The following MYH14 variants were observed in gnomAD, a reference collection of about 807,000 sequenced individuals.
MYH14 encodes myosin heavy chain 14.
Under a neutral mutation model 255.5 loss-of-function variants are expected in MYH14, and 123 were observed. The ratio of observed to expected loss-of-function variants is 0.48; its 90% CI spans 0.42 to 0.56. The LOEUF is 0.56. Among genes scored for constraint, MYH14 ranks in the 20% least tolerant of loss-of-function variants. The probability of loss-of-function intolerance (pLI) is 0.00; values close to 1 mark genes in which losing one functional copy is unlikely to be tolerated. For missense variants in MYH14, 2,423 were observed against 2,802.3 expected (o/e 0.86, Z 3.06); for synonymous variants, 1,095 against 1,161.2 (o/e 0.94, Z 1.16).
Position 50,252,684 on chromosome 19 carries a change from C to A in MYH14, c.1876C>A (p.Leu626Met). ...NEWLMKNMDPLNDNVAALLHQ... is the reference protein window; with the variant it reads ...NEWLMKNMDPMNDNVAALLHQ... ...GTGGCTGATGAAAAACATGGACCCTCTGAATGACAACGTCGCAGCCTTGCT... is the reference window on the plus strand; with the variant it reads ...GTGGCTGATGAAAAACATGGACCCTATGAATGACAACGTCGCAGCCTTGCT... The change falls in exon 16 of 43, where the codon CTG (leucine) becomes ATG (methionine). Residue 626 changes from leucine to methionine, a missense_variant. Physicochemically the swap from Leu to Met is conservative, Grantham distance 15. This residue lies in a region of MYH14 where 672 missense variants were observed against 881.8 expected (regional missense o/e 0.76). Transcript: ENST00000642316. The surrounding 1 kb of genome is among the most constrained non-coding windows in gnomAD (Gnocchi z 4.2). 1 of 1,602,146 alleles carries A rather than the reference C, an allele frequency of 6.2e-7. No individual in the cohort carries two copies. Among genetic ancestry groups the A allele is most frequent in the East Asian group, 2.3e-5 (1 of 44,304 alleles).
Position 50,271,524 on chromosome 19 carries a change from A to G in MYH14, c.3149A>G (p.Asp1050Gly), listed in dbSNP as rs550238145. The change falls in exon 25 of 43, where the codon GAC becomes GGC. Residue 1050 changes from aspartate (D) to glycine (G), a missense_variant. Transcript: ENST00000642316. ...KFEEDLLLLE[D>G]QNSKLSKERK... ...GAAGAGGACCTGCTGCTCCTGGAAG[A>G]CCAGAATTCCAAGCTGAGCAAGGTT... 8.0e-5 allele frequency: 129 copies of G among 1,606,446 alleles called. No homozygotes were observed. In the South Asian group the frequency reaches 1.3e-3, roughly 17 times the overall value.
Position 50,276,746 on chromosome 19 carries a change from C to A in MYH14, c.3681-11C>A, listed in dbSNP as rs1438019649. 1.2e-6 allele frequency: 2 copies of A among 1,613,318 alleles called. No individual in the cohort carries two copies. Among genetic ancestry groups the A allele is most frequent in the Non-Finnish European group, 1.7e-6 (2 of 1,179,868 alleles). On this transcript the variant is annotated splice_polypyrimidine_tract_variant and intron_variant, in intron 28 of 42. Coordinates refer to ENST00000642316, the MANE Select transcript of MYH14 (RefSeq NM_001145809.2). The surrounding 1 kb of genome is among the most constrained non-coding windows in gnomAD (Gnocchi z 4.3). ...TGAAATTCCCATCCTCTCTCCTTTC[C>A]CCCAATAAAGGTCCAAGAGGGAACA...
At chr19:50,292,972 G>A (rs1601042968) in intron 37 of MYH14, among the ~76,000 whole-genome samples, 1 of 152,000 alleles carries the variant, frequency 6.6e-6, no homozygotes, top group Non-Finnish European at 1.5e-5. Flanking sequence ...GGAGAGGCAG[G>A]TTTGAGAGGA....
intron 1 of MYH14, among the ~76,000 whole-genome samples, chr19:50,207,393 G>A (rs566701226): frequency 4.6e-5 from 7 of 151,858 alleles, no homozygotes; most frequent in East Asian, 3.9e-4. Context: ...TGCTTGGACC[G>A]CGTTGGAATT....
At chr19:50,306,151 G>T (rs1161513573) in intron 40 of MYH14, among the ~76,000 whole-genome samples, 1 of 152,190 alleles carries the variant, frequency 6.6e-6, no homozygotes, top group Non-Finnish European at 1.5e-5. Context: ...GGTGGCACAT[G>T]CCTGTAATCC....
In MYH14 at chr19:50,276,886, G is replaced by A. The variant is rs752858748; in HGVS notation, c.3810G>A (p.Leu1270=). Residue 1270 remains leucine, a synonymous_variant, in exon 29 of 43, where the codon CTG becomes CTA. Transcript: ENST00000642316. This position sits in a 1 kb window ranked among gnomAD's most constrained non-coding sequence, Gnocchi z 4.3. ...GQALGELAEQ[L]EQARRGKGAW... ...CCCTGGGGGAGCTGGCGGAGCAGCT[G>A]GAGCAGGCCCGGAGGGTGGGTTGGG... 1.2e-5 allele frequency: 19 copies of A among 1,610,854 alleles called. No individual in the cohort carries two copies. In the South Asian group the frequency reaches 1.4e-4, roughly 12 times the overall value.
intron 10 of MYH14, among the ~76,000 whole-genome samples, chr19:50,233,007 T>C (rs1190483498): frequency 6.6e-6 from 1 of 152,020 alleles, no homozygotes; most frequent in Non-Finnish European, 1.5e-5. Context: ...AGAGACACAC[T>C]GGAGTGGGTG....
At chr19:50,248,897 C>T (rs533714530) in intron 12 of MYH14, 90 bp from the exon 13 acceptor site, 6 of 1,413,644 alleles carry the variant, frequency 4.2e-6, no homozygotes, top group Middle Eastern at 2.5e-4. Context: ...TTAAGGGGGA[C>T]GAGCTGGGGG....
chr19:50,218,376 C>T (rs1472682627), intron 3 of MYH14, among the ~76,000 whole-genome samples: 1 of 151,984 alleles, frequency 6.6e-6, no homozygotes, highest in Non-Finnish European at 1.5e-5. Flanking sequence ...GCAGGCGGAT[C>T]ACGAGGTCAG....
Position 50,276,001 on chromosome 19 carries a change from G to A in MYH14, c.3478G>A (p.Glu1160Lys), listed in dbSNP as rs775122875. Reference protein sequence around the residue: ...LQAALARAEDEGGARAQLLKS... With the variant: ...LQAALARAEDKGGARAQLLKS... ...TCTTGTCACCCCCAGGGCAGAAGAC[G>A]AGGGTGGGGCCCGGGCCCAGCTGCT... The change falls in exon 28 of 43, where the codon GAG (glutamate) becomes AAG (lysine). Residue 1160 changes from glutamate (E) to lysine (K), a missense_variant. By Grantham distance (56) the Glu-to-Lys change is moderately conservative (BLOSUM62 1). Coordinates refer to ENST00000642316, the MANE Select transcript of MYH14 (RefSeq NM_001145809.2). The surrounding 1 kb of genome is among the most constrained non-coding windows in gnomAD (Gnocchi z 4.3). 6 of 1,612,404 alleles carry A rather than the reference G, an allele frequency of 3.7e-6. No individual in the cohort carries two copies. Among genetic ancestry groups the A allele is most frequent in the East Asian group, 4.5e-5 (2 of 44,856 alleles).
intron 1 of MYH14, among the ~76,000 whole-genome samples, chr19:50,206,734 G>A (rs912834874): frequency 6.6e-6 from 1 of 152,192 alleles, no homozygotes; most frequent in Non-Finnish European, 1.5e-5. Context: ...CCAGATCCAG[G>A]GGGGCCTCCA....
At chr19:50,260,246 A>T (rs11882384) in intron 19 of MYH14, among the ~76,000 whole-genome samples, 113,992 of 152,010 alleles carry the variant, frequency 0.75, 42,951 homozygotes, top group East Asian at 0.84. Context: ...GCCATCATGG[A>T]GAAACCCCAT....
At chr19:50,277,952 C>A in intron 29 of MYH14, 131 bp from the exon 30 acceptor site, 1 of 585,194 alleles carries the variant, frequency 1.7e-6, no homozygotes, top group Non-Finnish European at 2.6e-6. Context: ...GAGGGGTGAG[C>A]TATTTGTTCA....
In MYH14 at chr19:50,251,504, CAT is replaced by C. The variant is rs1200830503; in HGVS notation, c.1830+826_1830+827del. Among the ~76,000 whole-genome samples, 738 of 123,162 alleles carry C rather than the reference CAT, an allele frequency of 6.0e-3. 26 individuals carry two copies. In the East Asian group the frequency reaches 0.076, roughly 13 times the overall value. 80.8% of individuals were successfully genotyped at this position (123,162 alleles called of 152,430 possible). ...ATATACACACATATATATATACACACATATATATATACACACTACACACACAC... is the reference window on the plus strand; with the variant it reads ...ATATACACACATATATATATACACACATATATATACACACTACACACACAC... On this transcript the variant is annotated intron_variant, in intron 15 of 42. Transcript: ENST00000642316.
intron 3 of MYH14, among the ~76,000 whole-genome samples, chr19:50,217,993 T>C (rs532010885): frequency 7.6e-4 from 115 of 152,198 alleles, no homozygotes; most frequent in African/African-American, 2.6e-3. Context: ...TCTTTTATTA[T>C]TGTTATTATT....
In MYH14 at chr19:50,237,009, C is replaced by T. The variant is rs79151752; in HGVS notation, c.1114+4939C>T. On this transcript the variant is annotated intron_variant, in intron 10 of 42. Coordinates refer to ENST00000642316, the MANE Select transcript of MYH14 (RefSeq NM_001145809.2). ...TCTGCTTTCGGTCTCTATGGACTTG[C>T]GTATTCTGGACATTTCATAGCAGTG... 4.5e-4 allele frequency among the ~76,000 whole-genome samples: 68 copies of T among 152,238 alleles called. 1 individual carries two copies. The East Asian group carries it at 9.8e-3, about 22-fold the overall frequency.
chr19:50,244,355 C>T lies in MYH14; in HGVS notation c.1210+18C>T. On this transcript the variant is annotated intron_variant, in intron 11 of 42. Coordinates refer to ENST00000642316, the MANE Select transcript of MYH14 (RefSeq NM_001145809.2). ...CAACACAGGTACTGCCCCCGGCCTG[C>T]CTGCCCACGACCTCCAGCCCCCGCC... 6.2e-7 allele frequency: 1 copy of T among 1,609,284 alleles called. No individual in the cohort carries two copies. The highest frequency in any genetic ancestry group is 8.5e-7 in the Non-Finnish European group (1 of 1,177,256).
In MYH14 at chr19:50,293,499, G is replaced by A. The variant is rs1022591320; in HGVS notation, c.5346-65G>A. ...GGGGCTAACCACAGGGTCCTGTAGT[G>A]TGAGGCAAGGCACCCTCCTCTGACC... is the stretch of plus-strand genomic sequence containing the variant. On this transcript the variant is annotated intron_variant, in intron 38 of 42. Coordinates refer to ENST00000642316, the MANE Select transcript of MYH14 (RefSeq NM_001145809.2). This position sits in a 1 kb window ranked among gnomAD's most constrained non-coding sequence, Gnocchi z 4.1. 2.5e-6 allele frequency: 4 copies of A among 1,598,404 alleles called. No individual in the cohort carries two copies. The highest frequency in any genetic ancestry group is 2.6e-6 in the Non-Finnish European group (3 of 1,173,176).
intron 8 of MYH14, among the ~76,000 whole-genome samples, chr19:50,229,449 G>T (rs983479829): frequency 6.6e-6 from 1 of 152,018 alleles, no homozygotes; most frequent in African/African-American, 2.4e-5. Flanking sequence ...GGAATTCGAG[G>T]CCAGTCAGAC....
Sources: gnomAD v4.1 joint callset for allele counts (sites outside exome capture counted in the v4.1 genomes callset) on GRCh38, gnomAD v4.1.1 for gene constraint, gnomAD v4.1.1 regional missense constraint, Gnocchi (gnomAD v3.1) non-coding constraint, MANE v1.5 for transcripts, NCBI Gene and HGNC (gene_info 2026-07-23, HGNC 2026-07-21) for gene names.